Variants in DMTN observed in about 807,000 individuals in gnomAD.
DMTN encodes the protein dematin.
In DMTN, 27 loss-of-function variants were observed where a neutral mutation model predicts 59.4. The observed-to-expected ratio is 0.45, with a 90% confidence interval of 0.33 to 0.63. The LOEUF (loss-of-function observed/expected upper bound fraction) is 0.63, where lower values mean the gene tolerates loss of function less well. Ranked by LOEUF, DMTN falls within the 20% of genes least tolerant of loss-of-function variation. The pLI is 0.02. For missense variants in DMTN, 451 were observed against 528.9 expected, an observed-to-expected ratio of 0.85 and a Z score of 1.45; for synonymous variants, 221 against 203.7, an observed-to-expected ratio of 1.08 and a Z score of -0.72.
At chr8:22,056,655 T>C (rs1464164566), upstream of DMTN, among the ~76,000 whole-genome samples, 2 of 152,196 alleles carry the variant, frequency 1.3e-5, no homozygotes, top group East Asian at 3.8e-4. Context: ...GACGCTGGGT[T>C]AATGCTCCTC....
Position 22,067,656 on chromosome 8 carries a change from C to G in DMTN, c.223C>G (p.His75Asp). Residue 75 changes from histidine to aspartate, a missense_variant, in exon 4 of 16, where the codon CAC (histidine) becomes GAC (aspartate). Transcript: ENST00000358242. ...TCACTTCACTTATTCCCTCCTGGAA[C>G]ACGTGGAGCTGCCTCGCAGCCGCGA... ...EPHFTYSLLE[H>D]VELPRSRERS... 2 of 1,614,100 alleles carry G rather than the reference C, an allele frequency of 1.2e-6. No individual in the cohort carries two copies. The highest frequency in any genetic ancestry group is 1.7e-6 in the Non-Finnish European group (2 of 1,180,028).
intron 10 of DMTN, among the ~76,000 whole-genome samples, chr8:22,079,277 A>ATATATATATAT (rs1238511445): frequency 9.8e-4 from 27 of 27,652 alleles, no homozygotes; most frequent in African/African-American, 2.7e-3. Flanking sequence ...TAAATAAATA[A>ATATATATATAT]ATATATATAT....
chr8:22,063,826 T>C (rs1808366519), intron 1 of DMTN, among the ~76,000 whole-genome samples: 1 of 152,198 alleles, frequency 6.6e-6, no homozygotes, highest in Non-Finnish European at 1.5e-5. Flanking sequence ...TACTTTCTTA[T>C]ATGGTACAGG....
At chr8:22,067,761 C>A in intron 4 of DMTN, 79 bp downstream of exon 4, 1 of 1,524,490 alleles carries the variant, frequency 6.6e-7, no homozygotes, top group South Asian at 1.2e-5. Context: ...CCCTCCCGTG[C>A]TTCCTTTCCT....
chr8:22,054,096 C>A (rs1325973319), upstream of DMTN, among the ~76,000 whole-genome samples: 6 of 125,308 alleles, frequency 4.8e-5, no homozygotes, highest in African/African-American at 2.4e-4. Context: ...TGAACGCCCA[C>A]CACCAATACA....
At chr8:22,065,705 C>T (rs1004249821) in intron 1 of DMTN, among the ~76,000 whole-genome samples, 2 of 151,978 alleles carry the variant, frequency 1.3e-5, no homozygotes, top group East Asian at 2.0e-4. Context: ...TAGCCAGGCA[C>T]ACGCCTGTAA....
intron 11 of DMTN, 59 bp downstream of exon 11, chr8:22,080,303 G>A: frequency 1.9e-6 from 3 of 1,613,470 alleles, no homozygotes; most frequent in Non-Finnish European, 2.5e-6. Context: ...GTGGGGTGCT[G>A]AGGGACTGAG....
At position 22,060,711 on chromosome 8, in the gene DMTN, C is replaced by T. The variant is rs900947419; in HGVS notation, c.-172+3575C>T. Among the ~76,000 whole-genome samples the T allele has an allele frequency of 1.3e-5, 2 of 152,214 alleles. No homozygotes were observed. Among genetic ancestry groups the T allele is most frequent in the African/African-American group, 4.8e-5 (2 of 41,460 alleles). On this transcript the variant is annotated intron_variant, in intron 1 of 15. Coordinates refer to ENST00000358242, the MANE Select transcript of DMTN (RefSeq NM_001387751.1). The surrounding 1 kb of genome is among the most constrained non-coding windows in gnomAD (Gnocchi z 5.0). ...CAGGAAGCAGACCCAGATGCTAAAG[C>T]GCAAGACCCAGCAGTGGGGTTGTGG...
chr8:22,065,827 CTTTTTTT>C (rs76626050), intron 1 of DMTN, among the ~76,000 whole-genome samples: 58,637 of 74,538 alleles, frequency 0.79, 23,712 homozygotes, highest in East Asian at 0.95. Flanking sequence ...AGAGCAAGAC[CTTTTTTT>C]TTTTTTTTTT....
At chr8:22,079,302 T>TATATATATATATATGTATATATATA (rs1491109949) in intron 10 of DMTN, among the ~76,000 whole-genome samples, 3 of 15,536 alleles carry the variant, frequency 1.9e-4, no homozygotes, top group Admixed American at 1.1e-3. Context: ...ATATATATAT[T>TATATATATATATATGTATATATATA]AGCTGGGTTT....
At chr8:22,070,509 C>T in intron 8 of DMTN, 175 bp downstream of exon 8, 1 of 696,458 alleles carries the variant, frequency 1.4e-6, no homozygotes, top group East Asian at 3.3e-5. Context: ...TCTGTGTTCC[C>T]ATAGCGCTTG....
chr8:22,081,759 G>A lies in DMTN; in HGVS notation c.*296G>A. Reference sequence around the variant, plus strand: ...CTCTCCCTGCCCCTCACCCCAGAGGGTGAGGAGGAATGAGGGGCATTGGTG... The same window carrying A: ...CTCTCCCTGCCCCTCACCCCAGAGGATGAGGAGGAATGAGGGGCATTGGTG... On this transcript the variant is annotated 3_prime_UTR_variant, in exon 16 of 16. Transcript: ENST00000358242. 1.9e-6 allele frequency: 1 copy of A among 535,544 alleles called. No individual in the cohort carries two copies. The highest frequency in any genetic ancestry group is 3.5e-6 in the Non-Finnish European group (1 of 282,374). The allele number at this position is 535,544 out of a possible 1,614,324, so 33.2% of individuals were successfully genotyped here.
At chr8:22,071,282 G>T (rs1815260445) in intron 8 of DMTN, among the ~76,000 whole-genome samples, 1 of 147,198 alleles carries the variant, frequency 6.8e-6, no homozygotes, top group African/African-American at 2.5e-5. Flanking sequence ...ATTTTTAGTA[G>T]ATATGGGTTT....
chr8:22,050,881 G>C (rs926220838), upstream of DMTN, among the ~76,000 whole-genome samples: 13 of 152,200 alleles, frequency 8.5e-5, no homozygotes, highest in African/African-American at 2.9e-4. Context: ...TGGGTCTTCA[G>C]GCTCTGGAAG....
intron 2 of DMTN, 49 bp downstream of exon 2, chr8:22,066,942 G>C (rs1168292755): frequency 1.6e-6 from 2 of 1,237,178 alleles, no homozygotes. Flanking sequence ...GGTGGGGGCC[G>C]CTTGGGAGTC....
chr8:22,053,681 CG>C, upstream of DMTN: 1 of 152,258 alleles, frequency 6.6e-6, no homozygotes, highest in Non-Finnish European at 1.5e-5. Context: ...AACGGGGCGT[CG>C]GGGGGCCTGG....
intron 7 of DMTN, 43 bp downstream of exon 7, chr8:22,069,980 T>G (rs373293888): frequency 1.9e-6 from 3 of 1,610,438 alleles, no homozygotes; most frequent in Non-Finnish European, 2.5e-6. Flanking sequence ...TCCGGCTGCA[T>G]GCTGGGAGGC....
intron 8 of DMTN, among the ~76,000 whole-genome samples, chr8:22,071,672 C>T (rs1302759085): frequency 6.6e-6 from 1 of 152,018 alleles, no homozygotes; most frequent in Non-Finnish European, 1.5e-5. Context: ...CTCCGCCTCC[C>T]GGGCTCACGC....
rs199546893 is a variant in DMTN, at chr8:22,082,383, G to C, written c.*920G>C. ...CCAGCTTGACTTCTTTCCAGTCCAC[G>C]TGTGTATATAATGATATCTATATTT... On this transcript the variant is annotated 3_prime_UTR_variant, in exon 16 of 16. Coordinates refer to ENST00000358242, the MANE Select transcript of DMTN (RefSeq NM_001387751.1). The C allele has an allele frequency of 2.6e-4, 100 of 377,918 alleles. 2 individuals are homozygous for C. Among genetic ancestry groups the C allele is most frequent in the Admixed American group, 2.0e-4 (6 of 30,166 alleles). The allele number at this position is 377,918 out of a possible 1,614,324, so 23.4% of individuals were successfully genotyped here. A position where few individuals can be genotyped will look rare whatever the true frequency, so the allele number is the denominator to read the frequency against.
Sources: allele counts gnomAD v4.1 joint callset (sites outside exome capture counted in the v4.1 genomes callset), GRCh38; gene constraint gnomAD v4.1.1; non-coding constraint Gnocchi (gnomAD v3.1); transcripts MANE v1.5; gene names NCBI Gene and HGNC (gene_info 2026-07-23, HGNC 2026-07-21).